Variants in ZNF331 observed in about 807,000 individuals in gnomAD.
ZNF331 encodes the protein zinc finger protein 331.
A neutral mutation model predicts 7.0 loss-of-function variants in ZNF331; 2 were observed. That is an observed-to-expected ratio of 0.29 (90% CI 0.12 to 0.90). The LOEUF (loss-of-function observed/expected upper bound fraction) is 0.90. Ranked by LOEUF, ZNF331 falls within the 40% of genes least tolerant of loss-of-function variation. The pLI is 0.58. For missense variants in ZNF331, 432 were observed against 587.7 expected (o/e 0.74, Z 2.74); for synonymous variants, 196 against 205.4 (o/e 0.95, Z 0.39).
chr19:53,560,168 A>G lies in ZNF331; in HGVS notation c.-74+4260A>G, dbSNP rs2089785400. Among the ~76,000 whole-genome samples, 3 of 151,242 alleles carry G rather than the reference A, an allele frequency of 2.0e-5. No homozygotes were observed. Among genetic ancestry groups the G allele is most frequent in the African/African-American group, 7.3e-5 (3 of 41,138 alleles). On this transcript the variant is annotated intron_variant, in intron 3 of 5. Transcript: ENST00000449416. The surrounding 1 kb of genome is among the most constrained non-coding windows in gnomAD (Gnocchi z 4.3). ...ACACATATATACACATCCACACCATATATACACACACCATACACACACATA... is the reference window on the plus strand; with the variant it reads ...ACACATATATACACATCCACACCATGTATACACACACCATACACACACATA...
At chr19:53,549,064 G>A (rs1377205626) in intron 2 of ZNF331, among the ~76,000 whole-genome samples, 1 of 151,940 alleles carries the variant, frequency 6.6e-6, no homozygotes, top group Non-Finnish European at 1.5e-5. Flanking sequence ...GGCCAGGCAG[G>A]TCTTAAACTC....
At chr19:53,554,491 G>A (rs2089236121) in intron 2 of ZNF331, 1 of 152,282 alleles carries the variant, frequency 6.6e-6, no homozygotes, top group African/African-American at 2.4e-5. Context: ...CCCGAGTCCG[G>A]GGTGCGCATG....
At chr19:53,549,238 C>T (rs1292188620) in intron 2 of ZNF331, among the ~76,000 whole-genome samples, 1 of 152,174 alleles carries the variant, frequency 6.6e-6, no homozygotes, top group Admixed American at 6.5e-5. Flanking sequence ...TGTCAAAGAT[C>T]AGTTGACCAT....
At chr19:53,540,365 G>A (rs1310140178) in intron 2 of ZNF331, among the ~76,000 whole-genome samples, 3 of 152,144 alleles carry the variant, frequency 2.0e-5, no homozygotes, top group African/African-American at 4.8e-5. Context: ...CGGAGGACAT[G>A]TGTGTGCTTG....
chr19:53,574,661 G>T (rs1365747764), intron 5 of ZNF331, among the ~76,000 whole-genome samples: 1 of 152,020 alleles, frequency 6.6e-6, no homozygotes, highest in East Asian at 1.9e-4. Flanking sequence ...CTGCTTCCCG[G>T]GTGTTGTTAA....
upstream of ZNF331, among the ~76,000 whole-genome samples, chr19:53,536,692 G>C (rs996454302): frequency 6.6e-6 from 1 of 152,170 alleles, no homozygotes; most frequent in Non-Finnish European, 1.5e-5. Context: ...CTGAGGTCGG[G>C]AGTTCGAGTC....
At chr19:53,563,048 T>G (rs1056460489) in intron 3 of ZNF331, among the ~76,000 whole-genome samples, 3 of 152,056 alleles carry the variant, frequency 2.0e-5, no homozygotes, top group Admixed American at 2.0e-4. Flanking sequence ...AGTTGGCATC[T>G]TCTCGAAATA....
upstream of ZNF331, among the ~76,000 whole-genome samples, chr19:53,537,906 G>C (rs937796003): frequency 6.6e-6 from 1 of 151,896 alleles, no homozygotes; most frequent in Non-Finnish European, 1.5e-5. Flanking sequence ...GCATCTGTGC[G>C]TGCGCACACG....
chr19:53,540,167 C>T (rs1466771981), intron 2 of ZNF331, among the ~76,000 whole-genome samples: 1 of 152,144 alleles, frequency 6.6e-6, no homozygotes, highest in African/African-American at 2.4e-5. Flanking sequence ...GTGTTTTGCA[C>T]ACACTCCTTA....
rs201696206 is a variant in ZNF331, at chr19:53,577,889, G to T, written c.1329G>T (p.Glu443Asp). 18 of 1,613,716 alleles carry T rather than the reference G, an allele frequency of 1.1e-5. No homozygotes were observed. Among genetic ancestry groups the T allele is most frequent in the Middle Eastern group, 3.3e-4 (2 of 6,084 alleles). ...GGGCGAAATCCTACGAATGTAAGGA[G>T]TGCGGGAAGGCATGTAACCACCTAA... Reference protein sequence around the residue: ...HSGAKSYECKECGKACNHLNH... With the variant: ...HSGAKSYECKDCGKACNHLNH... The change falls in exon 6 of 6, where the codon GAG becomes GAT. Residue 443 changes from glutamate to aspartate, a missense_variant. Glu to Asp is a conservative substitution (Grantham distance 45). Coordinates refer to ENST00000449416, the MANE Select transcript of ZNF331 (RefSeq NM_001079906.2).
At chr19:53,503,393 T>C in the ZNF331 span, 856 of 495,980 alleles carry the variant, frequency 1.7e-3, 11 homozygotes, top group African/African-American at 0.016. Flanking sequence ...ACTGACAGAA[T>C]GGCTGCTGGG....
chr19:53,565,474 A>G (rs1180175182), intron 3 of ZNF331, among the ~76,000 whole-genome samples: 1 of 152,072 alleles, frequency 6.6e-6, no homozygotes, highest in Admixed American at 6.6e-5. Flanking sequence ...TGTTGGCATT[A>G]CAAGTGTGAA....
chr19:53,543,547 A>G (rs946388873), intron 2 of ZNF331, among the ~76,000 whole-genome samples: 15 of 152,136 alleles, frequency 9.9e-5, no homozygotes, highest in African/African-American at 3.4e-4. Context: ...GATTACAGGC[A>G]TGAGCCACCA....
chr19:53,575,527 G>A lies in ZNF331; in HGVS notation c.137-1170G>A, dbSNP rs561480212. Among the ~76,000 whole-genome samples the A allele has an allele frequency of 4.8e-5, 5 of 105,232 alleles. No homozygotes were observed. In the East Asian group the frequency reaches 8.7e-4, roughly 18 times the overall value. The allele number at this position is 105,232 out of a possible 152,430, so 69.0% of individuals were successfully genotyped here. On this transcript the variant is annotated intron_variant, in intron 5 of 5. Transcript: ENST00000449416. The stretch of plus-strand genomic sequence containing the variant: ...TTTTTTTTTTTTTTTTTTTTGAGAC[G>A]GAGTCTTATTCAGTCGGCTCACTGC...
At chr19:53,557,595 T>C (rs1022431765) in intron 3 of ZNF331, among the ~76,000 whole-genome samples, 1 of 152,194 alleles carries the variant, frequency 6.6e-6, no homozygotes, top group African/African-American at 2.4e-5. Context: ...GGTACAGTAT[T>C]GTGCTCAGGG....
intron 2 of ZNF331, among the ~76,000 whole-genome samples, chr19:53,529,145 A>G (rs1430727906): frequency 2.0e-5 from 3 of 152,202 alleles, no homozygotes; most frequent in African/African-American, 4.8e-5. Flanking sequence ...GCTCACGCCT[A>G]TAATCCCAGC....
rs182750915 is a variant in ZNF331 at position 53,548,760 on chromosome 19, C to T, written c.-137-7085C>T. On this transcript the variant is annotated intron_variant, in intron 2 of 5. Transcript: ENST00000449416. ...CAAGGGCGATGTGAAGGAGAATTTT[C>T]CCTATGTATTCTCCCAGTAGTTTTA... is the stretch of plus-strand genomic sequence containing the variant. 2.9e-3 allele frequency among the ~76,000 whole-genome samples: 439 copies of T among 152,270 alleles called. 1 individual carries two copies. Among genetic ancestry groups the T allele is most frequent in the Non-Finnish European group, 5.2e-3 (353 of 68,018 alleles).
rs2090573533 is a variant in ZNF331, at chr19:53,573,761, A to G, written c.136+2031A>G. Reference sequence around the variant, plus strand: ...CTGGATTACAGGCGTGAGCCACTGCACCTGGCTCAATAGCATTTTGACTTC... The same window carrying G: ...CTGGATTACAGGCGTGAGCCACTGCGCCTGGCTCAATAGCATTTTGACTTC... On this transcript the variant is annotated intron_variant, in intron 5 of 5. Transcript: ENST00000449416. This position sits in a 1 kb window ranked among gnomAD's most constrained non-coding sequence, Gnocchi z 4.2. 6.6e-6 allele frequency among the ~76,000 whole-genome samples: 1 copy of G among 152,082 alleles called. No homozygotes were observed. Among genetic ancestry groups the G allele is most frequent in the Non-Finnish European group, 1.5e-5 (1 of 68,016 alleles).
chr19:53,544,097 T>G lies in ZNF331; in HGVS notation c.-138+4815T>G, dbSNP rs368767530. ...CAAAAATTGGCTGGGCGTGGTGGCA[T>G]GCACCTGTAGTCCCAGCTACTCGGG... On this transcript the variant is annotated intron_variant, in intron 2 of 5. Transcript: ENST00000449416. 1.3e-4 allele frequency among the ~76,000 whole-genome samples: 19 copies of G among 150,686 alleles called. No homozygotes were observed. The South Asian group carries it at 1.5e-3, about 12-fold the overall frequency.
Sources: allele counts gnomAD v4.1 joint callset (sites outside exome capture counted in the v4.1 genomes callset), GRCh38; gene constraint gnomAD v4.1.1; non-coding constraint Gnocchi (gnomAD v3.1); transcripts MANE v1.5; gene names NCBI Gene and HGNC (gene_info 2026-07-23, HGNC 2026-07-21).